ZBTB38: variants seen among roughly 807,000 people sequenced by gnomAD.
The protein encoded by ZBTB38 is zinc finger and BTB domain-containing protein 38.
Under a neutral mutation model 76.8 loss-of-function variants are expected in ZBTB38, and 20 were observed. The observed-to-expected ratio is 0.26, with a 90% CI of 0.18 to 0.38. ZBTB38 has a LOEUF of 0.38. Among genes scored for constraint, ZBTB38 ranks in the 10% least tolerant of loss-of-function variants. The pLI, the probability that ZBTB38 is intolerant of heterozygous loss-of-function variation, is 1.00. For synonymous variants in ZBTB38, 504 were observed against 544.2 expected (o/e 0.93, Z 1.03); for missense variants, 1,082 against 1,482.3 (o/e 0.73, Z 4.43).
At chr3:141,373,361 C>T (rs1475980120) in intron 2 of ZBTB38, among the ~76,000 whole-genome samples, 3 of 152,160 alleles carry the variant, frequency 2.0e-5, no homozygotes, top group Non-Finnish European at 4.4e-5. Context: ...AAGATCTGAG[C>T]CTGGCCTTGT....
intron 1 of ZBTB38, among the ~76,000 whole-genome samples, chr3:141,330,660 C>T (rs904451092): frequency 2.0e-5 from 3 of 152,208 alleles, no homozygotes; most frequent in African/African-American, 7.2e-5. Flanking sequence ...TCAAAATTCA[C>T]GTGGAAACTT....
At chr3:141,423,838 A>C (rs1162268059) in intron 5 of ZBTB38, among the ~76,000 whole-genome samples, 1 of 152,222 alleles carries the variant, frequency 6.6e-6, no homozygotes, top group Non-Finnish European at 1.5e-5. Context: ...TCAAAAACCC[A>C]AAACACCAAA....
chr3:141,365,673 A>C (rs2148970159), upstream of ZBTB38, among the ~76,000 whole-genome samples: 1 of 152,320 alleles, frequency 6.6e-6, no homozygotes, highest in South Asian at 2.1e-4. Context: ...TGTCCAGAAG[A>C]GGAAAATCTA....
chr3:141,399,531 G>A (rs1951222201), intron 4 of ZBTB38, among the ~76,000 whole-genome samples: 1 of 152,162 alleles, frequency 6.6e-6, no homozygotes, highest in Non-Finnish European at 1.5e-5. Context: ...AGTGCTTGAA[G>A]GGAAAGAGAT....
Position 141,445,318 on chromosome 3 carries a change from A to C in ZBTB38, c.2930A>C (p.Lys977Thr). Residue 977 changes from lysine to threonine, a missense_variant, in exon 6 of 6, where the codon AAA becomes ACA. This residue lies in a region of ZBTB38 where 471 missense variants were observed against 581.0 expected (regional missense o/e 0.81). Coordinates refer to ENST00000321464, the MANE Select transcript of ZBTB38 (RefSeq NM_001376113.1). The surrounding 1 kb of genome is among the most constrained non-coding windows in gnomAD (Gnocchi z 6.5). ...AAACCCTTTGAGGAAGAAGAAACTA[A>C]AGAGATGCCCAAGCTGCAGTGTGAA... ...QDKPFEEEETKEMPKLQCELC... is the reference protein window; with the variant it reads ...QDKPFEEEETTEMPKLQCELC... 1 of 1,614,156 alleles carries C rather than the reference A, an allele frequency of 6.2e-7. No homozygotes were observed. The highest frequency in any genetic ancestry group is 8.5e-7 in the Non-Finnish European group (1 of 1,180,030).
chr3:141,404,286 T>G (rs1386056449), intron 5 of ZBTB38, among the ~76,000 whole-genome samples: 1 of 152,198 alleles, frequency 6.6e-6, no homozygotes, highest in Non-Finnish European at 1.5e-5. Flanking sequence ...TGGGGTCTTT[T>G]ACATGTCTCT....
At chr3:141,372,121 G>A (rs1188637484) in intron 2 of ZBTB38, among the ~76,000 whole-genome samples, 4 of 152,216 alleles carry the variant, frequency 2.6e-5, no homozygotes. Flanking sequence ...ATTTGCCACA[G>A]CTTCTCAGAT....
chr3:141,377,379 T>C (rs1023312446), intron 2 of ZBTB38, among the ~76,000 whole-genome samples: 1 of 152,220 alleles, frequency 6.6e-6, no homozygotes, highest in Non-Finnish European at 1.5e-5. Context: ...CTTAACTGCC[T>C]TCTTGACTGT....
At position 141,445,461 on chromosome 3, in the gene ZBTB38, C is replaced by T; in HGVS notation, c.3073C>T (p.Leu1025Phe). ...CAAGCAGTTCCAGAGCCCTTCCACACTCAAAATGCACATGAGATGTCACAC... is the reference window on the plus strand; with the variant it reads ...CAAGCAGTTCCAGAGCCCTTCCACATTCAAAATGCACATGAGATGTCACAC... ...CAKQFQSPST[L>F]KMHMRCHTGE... is the part of the protein sequence containing the mutation. The change falls in exon 6 of 6, where the codon CTC becomes TTC. Residue 1025 changes from leucine (L) to phenylalanine (F), a missense_variant. By Grantham distance (22) the Leu-to-Phe change is conservative. Coordinates refer to ENST00000321464, the MANE Select transcript of ZBTB38 (RefSeq NM_001376113.1). The surrounding 1 kb of genome is among the most constrained non-coding windows in gnomAD (Gnocchi z 6.5). 1 of 1,614,190 alleles carries T rather than the reference C, an allele frequency of 6.2e-7. No homozygotes were observed. The highest frequency in any genetic ancestry group is 8.5e-7 in the Non-Finnish European group (1 of 1,180,026).
chr3:141,408,471 T>C (rs1401262085), intron 5 of ZBTB38, among the ~76,000 whole-genome samples: 3 of 151,942 alleles, frequency 2.0e-5, no homozygotes, highest in East Asian at 1.9e-4. Context: ...CACTTGAACC[T>C]GGGAGGTAGA....
intron 4 of ZBTB38, chr3:141,387,698 C>T (rs2149268860): frequency 6.6e-6 from 1 of 152,314 alleles, no homozygotes; most frequent in South Asian, 2.1e-4. Context: ...ATCCTGTTTT[C>T]CTGTTGATAA....
chr3:141,386,320 TA>T (rs973771731), intron 3 of ZBTB38: 4 of 152,232 alleles, frequency 2.6e-5, no homozygotes, highest in Non-Finnish European at 5.9e-5. Flanking sequence ...TTCCAAGTTT[TA>T]AAAAATCCAT....
At chr3:141,395,171 C>G (rs114097136) in intron 4 of ZBTB38, among the ~76,000 whole-genome samples, 5,482 of 152,320 alleles carry the variant, frequency 0.036, 145 homozygotes, top group Non-Finnish European at 0.055. Context: ...GGAAGGTATT[C>G]TGTTGGGCAT....
intron 5 of ZBTB38, among the ~76,000 whole-genome samples, chr3:141,419,596 C>T (rs1024392401): frequency 6.6e-6 from 1 of 152,168 alleles, no homozygotes; most frequent in Non-Finnish European, 1.5e-5. Flanking sequence ...ACTTTGTCTT[C>T]ATTTTTCTGA....
chr3:141,385,192 G>A (rs959934664), intron 3 of ZBTB38, among the ~76,000 whole-genome samples: 18 of 152,124 alleles, frequency 1.2e-4, no homozygotes, highest in African/African-American at 4.1e-4. Context: ...TTTTGCAAGC[G>A]TTAAAATTAA....
intron 1 of ZBTB38, among the ~76,000 whole-genome samples, chr3:141,344,322 G>T (rs6765238): frequency 0.4 from 60,693 of 151,964 alleles, 12,988 homozygotes; most frequent in African/African-American, 0.54. Flanking sequence ...TTCTAGAGAC[G>T]GTCCTGATTC....
chr3:141,424,647 T>C (rs77828701), intron 5 of ZBTB38, among the ~76,000 whole-genome samples: 4,464 of 145,984 alleles, frequency 0.031, 79 homozygotes, highest in East Asian at 0.061. Flanking sequence ...TGTGTGTGTG[T>C]GCGTGTGTGT....
At chr3:141,368,042 G>A (rs1054655119), upstream of ZBTB38, among the ~76,000 whole-genome samples, 1 of 152,200 alleles carries the variant, frequency 6.6e-6, no homozygotes, top group Non-Finnish European at 1.5e-5. Context: ...AGCTGCCCGG[G>A]GATGGTGACA....
chr3:141,326,820 C>G (rs1367354550), intron 1 of ZBTB38, among the ~76,000 whole-genome samples: 1 of 152,150 alleles, frequency 6.6e-6, no homozygotes, highest in Non-Finnish European at 1.5e-5. Flanking sequence ...ATTCCTCCCT[C>G]TTGAGGGGGG....
Sources: gnomAD v4.1 joint callset for allele counts (sites outside exome capture counted in the v4.1 genomes callset) on GRCh38, gnomAD v4.1.1 for gene constraint, gnomAD v4.1.1 regional missense constraint, Gnocchi (gnomAD v3.1) non-coding constraint, MANE v1.5 for transcripts, NCBI Gene and HGNC (gene_info 2026-07-23, HGNC 2026-07-21) for gene names.